The following ERCC6L2 variants were observed in gnomAD, a reference collection of about 807,000 sequenced individuals.
The protein encoded by ERCC6L2 is ERCC excision repair 6 like 2, also known as DNA excision repair protein ERCC-6-like 2.
ERCC6L2 carries 77 observed loss-of-function variants against 132.0 expected under a neutral mutation model. That is an observed-to-expected ratio of 0.58 (90% confidence interval 0.49 to 0.71). The LOEUF is 0.71. Ranked by LOEUF, ERCC6L2 falls within the 30% of genes least tolerant of loss-of-function variation. The pLI is 0.00. For synonymous variants in ERCC6L2, 583 were observed against 632.4 expected, an observed-to-expected ratio of 0.92 and a Z score of 1.17; for missense variants, 1,542 against 1,837.6, an observed-to-expected ratio of 0.84 and a Z score of 2.94.
At chr9:95,982,886 C>A (rs1482695915) in intron 17 of ERCC6L2, among the ~76,000 whole-genome samples, 1 of 152,042 alleles carries the variant, frequency 6.6e-6, no homozygotes, top group Non-Finnish European at 1.5e-5. Context: ...AAACTATAAA[C>A]ATAGAGACCT....
chr9:95,986,636 A>G (rs972842533), intron 17 of ERCC6L2, among the ~76,000 whole-genome samples: 7 of 151,760 alleles, frequency 4.6e-5, no homozygotes, highest in African/African-American at 1.5e-4. Flanking sequence ...AGCTGGGACT[A>G]CAGGCACACA....
intron 12 of ERCC6L2, among the ~76,000 whole-genome samples, chr9:95,947,341 A>G (rs1182144504): frequency 3.3e-5 from 5 of 152,246 alleles, no homozygotes; most frequent in Admixed American, 2.0e-4. Flanking sequence ...AATCCAGAGC[A>G]AGTCTCTAAC....
At chr9:95,993,722 T>C (rs1833378701) in intron 17 of ERCC6L2, among the ~76,000 whole-genome samples, 1 of 152,234 alleles carries the variant, frequency 6.6e-6, no homozygotes, top group South Asian at 2.1e-4. Context: ...GTTGTCCTTA[T>C]GTGGCTCACT....
intron 12 of ERCC6L2, among the ~76,000 whole-genome samples, chr9:95,953,978 A>C (rs1182604109): frequency 6.6e-6 from 1 of 152,214 alleles, no homozygotes; most frequent in African/African-American, 2.4e-5. Flanking sequence ...GGCTGCACTT[A>C]TTGAGTGTTT....
chr9:96,022,238 T>G (rs1159479077), downstream of ERCC6L2, among the ~76,000 whole-genome samples: 2 of 152,148 alleles, frequency 1.3e-5, no homozygotes, highest in South Asian at 2.1e-4. Flanking sequence ...CCCTAATCCA[T>G]TTTCCACACC....
At chr9:95,998,923 A>T (rs1833560038) in intron 17 of ERCC6L2, among the ~76,000 whole-genome samples, 1 of 152,218 alleles carries the variant, frequency 6.6e-6, no homozygotes, top group African/African-American at 2.4e-5. Flanking sequence ...TGGCACATTG[A>T]TTCCTAAAAT....
intron 6 of ERCC6L2, chr9:95,918,483 A>G: frequency 2.0e-6 from 1 of 499,888 alleles, no homozygotes; most frequent in South Asian, 1.5e-5. Flanking sequence ...GGCTCATGAA[A>G]TAGGTTTTGG....
At chr9:96,038,137 G>A (rs1468937842) in intron 19 of ERCC6L2, among the ~76,000 whole-genome samples, 2 of 152,076 alleles carry the variant, frequency 1.3e-5, no homozygotes, top group African/African-American at 4.8e-5. Context: ...TTGTGTGGAG[G>A]AGGGATGTTG....
chr9:95,888,046 C>T (rs1413311584), intron 2 of ERCC6L2, among the ~76,000 whole-genome samples: 1 of 146,080 alleles, frequency 6.8e-6, no homozygotes, highest in East Asian at 2.0e-4. Context: ...AGCTAGACCC[C>T]ATTTCAAAAC....
At chr9:95,956,897 C>T (rs1316658393) in intron 13 of ERCC6L2, among the ~76,000 whole-genome samples, 19 of 152,038 alleles carry the variant, frequency 1.2e-4, no homozygotes, top group Admixed American at 1.2e-3. Flanking sequence ...CTTTTTACAC[C>T]AGGTAGATAT....
chr9:95,937,033 G>A (rs1830587013), intron 11 of ERCC6L2, among the ~76,000 whole-genome samples: 1 of 152,084 alleles, frequency 6.6e-6, no homozygotes, highest in African/African-American at 2.4e-5. Context: ...CTGTTGAAGG[G>A]CATCTGGGTT....
rs567956301 is a variant in ERCC6L2 at position 95,933,584 on chromosome 9, C to T, written c.1751+4720C>T. Among the ~76,000 whole-genome samples the T allele has an allele frequency of 3.7e-4, 56 of 152,262 alleles. No individual in the cohort carries two copies. The Middle Eastern group carries it at 0.014, about 37-fold the overall frequency. ...AACAGGCCAGGTGCAGTGGCTCACG[C>T]GTGTATTCCCAGCACTTTGGAAGGC... is the stretch of plus-strand genomic sequence containing the variant. On this transcript the variant is annotated intron_variant, in intron 11 of 18. Coordinates refer to ENST00000653738, the MANE Select transcript of ERCC6L2 (RefSeq NM_020207.7).
intron 4 of ERCC6L2, among the ~76,000 whole-genome samples, chr9:95,915,206 T>G (rs555318722): frequency 6.6e-6 from 1 of 152,204 alleles, no homozygotes; most frequent in Non-Finnish European, 1.5e-5. Context: ...AAGAGACCAC[T>G]ATGGGTGCTC....
chr9:95,987,811 A>C (rs990328945), intron 17 of ERCC6L2, among the ~76,000 whole-genome samples: 1 of 152,212 alleles, frequency 6.6e-6, no homozygotes, highest in Non-Finnish European at 1.5e-5. Context: ...CTGCCCTAGC[A>C]GAGAGGTTCT....
At chr9:95,916,157 C>T (rs1382863592) in intron 5 of ERCC6L2, 70 bp from the exon 6 acceptor site, 1 of 1,370,856 alleles carries the variant, frequency 7.3e-7, no homozygotes, top group Non-Finnish European at 1.0e-6. Flanking sequence ...TGTAGTATAT[C>T]TCTTAGAAGC....
At chr9:95,885,303 C>G (rs1827805265) in intron 2 of ERCC6L2, among the ~76,000 whole-genome samples, 1 of 152,196 alleles carries the variant, frequency 6.6e-6, no homozygotes, top group Non-Finnish European at 1.5e-5. Context: ...GACATTAATA[C>G]ATTTTATCCC....
chr9:95,990,432 G>C (rs983125855), intron 17 of ERCC6L2, among the ~76,000 whole-genome samples: 1 of 152,140 alleles, frequency 6.6e-6, no homozygotes, highest in Non-Finnish European at 1.5e-5. Flanking sequence ...TCGGAGGGGG[G>C]GTCCATCTTT....
At chr9:95,986,605 T>A (rs1833106088) in intron 17 of ERCC6L2, among the ~76,000 whole-genome samples, 1 of 151,032 alleles carries the variant, frequency 6.6e-6, no homozygotes, top group South Asian at 2.1e-4. Flanking sequence ...CAAGTGATTC[T>A]CCTGCCTCAG....
intron 14 of ERCC6L2, among the ~76,000 whole-genome samples, 161 bp from the exon 15 acceptor site, chr9:95,970,415 T>C (rs916392250): frequency 6.6e-5 from 10 of 152,202 alleles, no homozygotes; most frequent in African/African-American, 2.4e-4. Context: ...TATGAGTTTC[T>C]TAATTAGCAA....
Sources: gnomAD v4.1 joint callset for allele counts (sites outside exome capture counted in the v4.1 genomes callset) on GRCh38, gnomAD v4.1.1 for gene constraint, MANE v1.5 for transcripts, NCBI Gene and HGNC (gene_info 2026-07-23, HGNC 2026-07-21) for gene names.